Variants in ADARB2 observed in about 807,000 individuals in gnomAD.
ADARB2 encodes inactive double-stranded RNA-specific editase B2.
Under a neutral mutation model 62.2 loss-of-function variants are expected in ADARB2, and 25 were observed. The observed-to-expected ratio is 0.40, with a 90% CI of 0.29 to 0.56. The LOEUF is 0.56. Ranked by LOEUF, ADARB2 falls within the 20% of genes least tolerant of loss-of-function variation. The pLI is 0.43. For missense variants in ADARB2, 1,071 were observed against 1,077.4 expected (o/e 0.99, Z 0.08); for synonymous variants, 572 against 500.8 (o/e 1.14, Z -1.90).
chr10:1,456,943 C>T (rs1415153696), intron 1 of ADARB2, among the ~76,000 whole-genome samples: 6 of 146,362 alleles, frequency 4.1e-5, no homozygotes, highest in East Asian at 2.2e-4. Context: ...TACAGGCAAG[C>T]GCCACCACGC....
chr10:1,286,563 C>A (rs1489336250), intron 3 of ADARB2, among the ~76,000 whole-genome samples: 3 of 152,124 alleles, frequency 2.0e-5, no homozygotes, highest in African/African-American at 4.8e-5. Flanking sequence ...TTATTGTAGC[C>A]ATTGTATGGT....
At chr10:1,471,833 G>A (rs138692348) in intron 1 of ADARB2, among the ~76,000 whole-genome samples, 3 of 152,164 alleles carry the variant, frequency 2.0e-5, no homozygotes, top group Non-Finnish European at 4.4e-5. Flanking sequence ...ATTTATGGCC[G>A]TGTACACATG....
At chr10:1,396,875 T>C (rs111516944) in intron 1 of ADARB2, among the ~76,000 whole-genome samples, 8 of 111,118 alleles carry the variant, frequency 7.2e-5, no homozygotes, top group African/African-American at 2.2e-4. Context: ...CCCTCCCGAG[T>C]GCAGGCTTCC....
intron 1 of ADARB2, among the ~76,000 whole-genome samples, chr10:1,636,804 A>G (rs1833922480): frequency 6.7e-6 from 1 of 148,494 alleles, no homozygotes; most frequent in Non-Finnish European, 1.5e-5. Context: ...TGACATATAT[A>G]ATATTGTTAT....
At chr10:1,230,862 C>T (rs1417148734) in intron 6 of ADARB2, among the ~76,000 whole-genome samples, 1 of 152,170 alleles carries the variant, frequency 6.6e-6, no homozygotes, top group African/African-American at 2.4e-5. Flanking sequence ...ATATCTGCTG[C>T]AAAAATGTGA....
intron 3 of ADARB2, among the ~76,000 whole-genome samples, chr10:1,318,236 A>AGGTTTGGGTTT (rs1831759405): frequency 6.6e-6 from 1 of 152,166 alleles, no homozygotes; most frequent in Non-Finnish European, 1.5e-5. Flanking sequence ...GTGTAGTCAC[A>AGGTTTGGGTTT]GGTGACGGAT....
intron 1 of ADARB2, among the ~76,000 whole-genome samples, chr10:1,530,144 G>A (rs990340542): frequency 1.2e-4 from 19 of 152,284 alleles, no homozygotes; most frequent in African/African-American, 2.2e-4. Context: ...TTGGGCACCC[G>A]TCCACTGCCT....
intron 1 of ADARB2, among the ~76,000 whole-genome samples, chr10:1,481,781 C>T (rs1831475615): frequency 6.7e-6 from 1 of 149,740 alleles, no homozygotes; most frequent in African/African-American, 2.5e-5. Flanking sequence ...GGCTTGAACC[C>T]AGGAGGTGAA....
chr10:1,184,974 C>T lies in ADARB2; in HGVS notation c.1930G>A (p.Gly644Ser). 1 of 1,613,832 alleles carries T rather than the reference C, an allele frequency of 6.2e-7. No individual in the cohort carries two copies. The change falls in exon 9 of 10, where the codon GGC (glycine) becomes AGC (serine). Residue 644 changes from glycine to serine, a missense_variant. Gly to Ser is a moderately conservative substitution (Grantham distance 56). Transcript: ENST00000381312. ...SPPFSMNWVV[G>S]SADLEIINAT... ...TTGATAATCTCCAGGTCCGCGCTGC[C>T]CACGACCCAGTTCATGCTGAAGGGG...
intron 1 of ADARB2, among the ~76,000 whole-genome samples, chr10:1,724,426 G>T (rs562928845): frequency 6.6e-6 from 1 of 152,308 alleles, no homozygotes; most frequent in African/African-American, 2.4e-5. Flanking sequence ...AGCCTGCCTG[G>T]TTTATCTTCG....
chr10:1,388,493 T>G (rs1046342556), intron 1 of ADARB2, among the ~76,000 whole-genome samples: 1 of 152,098 alleles, frequency 6.6e-6, no homozygotes, highest in African/African-American at 2.4e-5. Flanking sequence ...TGAAAACAAC[T>G]ACCAGAAATA....
At chr10:1,559,049 C>T (rs1832752786) in intron 1 of ADARB2, among the ~76,000 whole-genome samples, 1 of 152,204 alleles carries the variant, frequency 6.6e-6, no homozygotes, top group Non-Finnish European at 1.5e-5. Flanking sequence ...TCAATCGCAT[C>T]CCCAGTGCTG....
intron 3 of ADARB2, among the ~76,000 whole-genome samples, chr10:1,273,303 C>T (rs1012034737): frequency 6.6e-6 from 1 of 152,138 alleles, no homozygotes; most frequent in Non-Finnish European, 1.5e-5. Flanking sequence ...CTCTGCTGCC[C>T]ACGCTGGAGT....
At chr10:1,194,115 G>A (rs1836875923) in intron 8 of ADARB2, among the ~76,000 whole-genome samples, 2 of 152,070 alleles carry the variant, frequency 1.3e-5, no homozygotes, top group African/African-American at 2.4e-5. Context: ...TTCATTTTAT[G>A]TGTCCCCTTG....
At chr10:1,628,635 G>C (rs934505916) in intron 1 of ADARB2, among the ~76,000 whole-genome samples, 1 of 152,172 alleles carries the variant, frequency 6.6e-6, no homozygotes, top group South Asian at 2.1e-4. Flanking sequence ...AACCTCCATG[G>C]GTGTGGAAGT....
chr10:1,576,249 T>G (rs542820939), intron 1 of ADARB2, among the ~76,000 whole-genome samples: 1 of 133,876 alleles, frequency 7.5e-6, no homozygotes, highest in African/African-American at 2.9e-5. Context: ...GGAGGTGGCT[T>G]AGGGTCACTG....
intron 3 of ADARB2, among the ~76,000 whole-genome samples, chr10:1,272,454 G>A (rs933549881): frequency 6.6e-6 from 1 of 152,236 alleles, no homozygotes; most frequent in Non-Finnish European, 1.5e-5. Flanking sequence ...CAAAAAACAT[G>A]CCACAAAACA....
intron 7 of ADARB2, among the ~76,000 whole-genome samples, chr10:1,203,433 T>C (rs1217439107): frequency 6.6e-6 from 1 of 152,210 alleles, no homozygotes; most frequent in African/African-American, 2.4e-5. Context: ...TTGGACGCTT[T>C]GGTTTTCCGC....
intron 4 of ADARB2, among the ~76,000 whole-genome samples, chr10:1,250,077 C>G (rs905694922): frequency 1.2e-4 from 13 of 105,296 alleles, no homozygotes; most frequent in South Asian, 5.0e-4. Flanking sequence ...TTTAAACAAA[C>G]AGAAAGACTT....
Sources: gnomAD v4.1 joint callset for allele counts (sites outside exome capture counted in the v4.1 genomes callset) on GRCh38, gnomAD v4.1.1 for gene constraint, MANE v1.5 for transcripts, NCBI Gene and HGNC (gene_info 2026-07-23, HGNC 2026-07-21) for gene names.